The following EMP2 variants were observed in gnomAD, a reference collection of about 807,000 sequenced individuals.
The protein encoded by EMP2 is epithelial membrane protein 2.
Under a neutral mutation model 13.7 loss-of-function variants are expected in EMP2, and 19 were observed. That is an observed-to-expected ratio of 1.38 (90% CI 0.97 to 2.03). The LOEUF (loss-of-function observed/expected upper bound fraction) is 2.03. EMP2 is among the 30% of genes most tolerant of loss of function. EMP2 has a pLI of 0.00. For synonymous variants in EMP2, 97 were observed against 84.7 expected (o/e 1.15, Z -0.80); for missense variants, 253 against 220.7 (o/e 1.15, Z -0.93).
At chr16:10,549,329 A>T (rs1201741611) in intron 1 of EMP2, among the ~76,000 whole-genome samples, 1 of 152,224 alleles carries the variant, frequency 6.6e-6, no homozygotes, top group Non-Finnish European at 1.5e-5. Context: ...TGAGGGCATG[A>T]ATACATGAGG....
chr16:10,556,241 G>A (rs1401550186), intron 1 of EMP2, among the ~76,000 whole-genome samples: 1 of 151,604 alleles, frequency 6.6e-6, no homozygotes, highest in Non-Finnish European at 1.5e-5. Flanking sequence ...CTTCTTGTCT[G>A]TGGTTCCATC....
intron 3 of EMP2, among the ~76,000 whole-genome samples, chr16:10,540,452 G>A (rs1341042164): frequency 6.6e-6 from 1 of 152,068 alleles, no homozygotes; most frequent in Admixed American, 6.6e-5. Context: ...ACTGCAGCGA[G>A]CAGAGATTGC....
chr16:10,537,547 C>G (rs368211300), intron 4 of EMP2, among the ~76,000 whole-genome samples: 2 of 152,184 alleles, frequency 1.3e-5, no homozygotes, highest in East Asian at 3.9e-4. Flanking sequence ...GGCAGCTCTC[C>G]GTCCCTCCTG....
At chr16:10,552,578 T>C (rs1029155416) in intron 1 of EMP2, among the ~76,000 whole-genome samples, 2 of 152,222 alleles carry the variant, frequency 1.3e-5, no homozygotes, top group Non-Finnish European at 2.9e-5. Context: ...TTGGTTAAAA[T>C]GTATTTGTAG....
chr16:10,533,037 G>C lies in EMP2; in HGVS notation c.372C>G (p.His124Gln). The C allele has an allele frequency of 1.2e-6, 2 of 1,610,826 alleles. No individual in the cohort carries two copies. Among genetic ancestry groups the C allele is most frequent in the Non-Finnish European group, 1.7e-6 (2 of 1,178,514 alleles). The change falls in exon 5 of 5, where the codon CAC becomes CAG. Residue 124 changes from histidine to glutamine, a missense_variant. By Grantham distance (24) the His-to-Gln change is conservative. Transcript: ENST00000359543. ...SIYTDRREDI[H>Q]DKNAKFYPVT... The stretch of plus-strand genomic sequence containing the variant: ...CGGGATAGAATTTCGCGTTTTTGTC[G>C]TGAATGTCTTCACGCCTGTCTGTAT...
intron 1 of EMP2, among the ~76,000 whole-genome samples, chr16:10,562,336 TTCTCTCTCTC>T (rs540802206): frequency 0.099 from 12,349 of 124,174 alleles, 572 homozygotes; most frequent in Non-Finnish European, 0.11. Flanking sequence ...CTCATGCATG[TTCTCTCTCTC>T]TCTCTCTCTC....
chr16:10,532,112 C>A lies in EMP2; in HGVS notation c.*793G>T, dbSNP rs558565921. 6.5e-6 allele frequency: 1 copy of A among 154,834 alleles called. No individual in the cohort carries two copies. Among genetic ancestry groups the A allele is most frequent in the Non-Finnish European group, 1.5e-5 (1 of 68,262 alleles). 9.6% of individuals were successfully genotyped at this position (154,834 alleles called of 1,614,324 possible). A position where few individuals can be genotyped will look rare whatever the true frequency, so the allele number is the denominator to read the frequency against. On this transcript the variant is annotated 3_prime_UTR_variant, in exon 5 of 5. Coordinates refer to ENST00000359543, the MANE Select transcript of EMP2 (RefSeq NM_001424.6). The stretch of plus-strand genomic sequence containing the variant: ...CAGGCACCGTGGTCCCCAACTTCAA[C>A]GCATCTGAAGCGTTGCCCAGGGAGC...
At chr16:10,556,093 C>A (rs898233160) in intron 1 of EMP2, among the ~76,000 whole-genome samples, 2 of 152,126 alleles carry the variant, frequency 1.3e-5, no homozygotes, top group Non-Finnish European at 2.9e-5. Flanking sequence ...CAATAATTGT[C>A]ATTTACATGA....
intron 1 of EMP2, among the ~76,000 whole-genome samples, chr16:10,552,950 T>A (rs944662651): frequency 6.6e-6 from 1 of 152,194 alleles, no homozygotes; most frequent in Admixed American, 6.5e-5. Context: ...AAATGGCAGT[T>A]AGAGGTTGGT....
rs2050616170 is a variant in EMP2, at chr16:10,532,769, T to TTTTTTC, written c.*135_*136insGAAAAA. 3.1e-6 allele frequency: 1 copy of TTTTTTC among 327,424 alleles called. No homozygotes were observed. Among genetic ancestry groups the TTTTTTC allele is most frequent in the African/African-American group, 2.6e-5 (1 of 37,750 alleles). The allele number at this position is 327,424 out of a possible 1,614,324, so 20.3% of individuals were successfully genotyped here. A position where few individuals can be genotyped will look rare whatever the true frequency, so the allele number is the denominator to read the frequency against. On this transcript the variant is annotated 3_prime_UTR_variant, in exon 5 of 5. Transcript: ENST00000359543. The stretch of plus-strand genomic sequence containing the variant: ...TTTTTTTCTTTTTTCTTTTTTTTTT[T>TTTTTTC]TTTTTTTTTTTTTTTTTGGCTTTTA...
At chr16:10,555,058 C>G (rs752502852) in intron 1 of EMP2, among the ~76,000 whole-genome samples, 3 of 152,034 alleles carry the variant, frequency 2.0e-5, no homozygotes, top group African/African-American at 7.2e-5. Flanking sequence ...CTGTAAAGGC[C>G]CTTGGAAAAC....
chr16:10,543,074 G>C lies in EMP2; in HGVS notation c.169+496C>G, dbSNP rs139806422. 2.6e-3 allele frequency among the ~76,000 whole-genome samples: 398 copies of C among 152,308 alleles called. 1 individual carries two copies. Among genetic ancestry groups the C allele is most frequent in the African/African-American group, 9.2e-3 (382 of 41,582 alleles). On this transcript the variant is annotated intron_variant, in intron 3 of 4. Transcript: ENST00000359543. ...TTGACCAGGCTGGTCTCAAACTCCT[G>C]ACCTCAAGTGATCCATCCGCCTCTG... is the stretch of plus-strand genomic sequence containing the variant.
chr16:10,565,251 G>A (rs537743113), intron 1 of EMP2, among the ~76,000 whole-genome samples: 1 of 152,322 alleles, frequency 6.6e-6, no homozygotes, highest in East Asian at 1.9e-4. Flanking sequence ...CACTTAATGC[G>A]TCAACTTGTC....
At chr16:10,569,198 C>T (rs2050930474) in intron 1 of EMP2, among the ~76,000 whole-genome samples, 1 of 152,194 alleles carries the variant, frequency 6.6e-6, no homozygotes, top group Non-Finnish European at 1.5e-5. Context: ...GCAAATGGGA[C>T]CTGGGTAGGC....
At position 10,538,045 on chromosome 16, in the gene EMP2, TG is replaced by T. The variant is rs1467083561; in HGVS notation, c.198del (p.Thr67ProfsTer2). ...CAGAGAATGGTGGAGAGGATCATGG[TG>T]GCCTGGACCGCCTGCAGCGTGGAGT... Reference protein sequence around the residue: ...QEYSTLQAVQATMILSTILCC... With the variant: ...QEYSTLQAVQXTMILSTILCC... On this transcript the variant is annotated frameshift_variant, in exon 4 of 5. Coordinates refer to ENST00000359543, the MANE Select transcript of EMP2 (RefSeq NM_001424.6). LOFTEE classifies it high-confidence loss of function. 1 of 1,613,882 alleles carries T rather than the reference TG, an allele frequency of 6.2e-7. No homozygotes were observed. The highest frequency in any genetic ancestry group is 8.5e-7 in the Non-Finnish European group (1 of 1,179,998).
rs189358222 is a variant in EMP2, at chr16:10,537,223, G to T, written c.316+705C>A. ...CACTGAGAAACAACAAATGATCATG[G>T]TGTGGCTTCTGACTTCTGATCTGAC... On this transcript the variant is annotated intron_variant, in intron 4 of 4. Coordinates refer to ENST00000359543, the MANE Select transcript of EMP2 (RefSeq NM_001424.6). 5.3e-5 allele frequency among the ~76,000 whole-genome samples: 8 copies of T among 152,278 alleles called. No homozygotes were observed. The East Asian group carries it at 1.5e-3, about 29-fold the overall frequency.
At position 10,567,954 on chromosome 16, in the gene EMP2, G is replaced by A. The variant is rs555442665; in HGVS notation, c.-61+12595C>T. On this transcript the variant is annotated intron_variant, in intron 1 of 4. Transcript: ENST00000359543. ...AGCGAGGTTAGGTAGCTTGTCAAAG[G>A]TCACACCCCCAGTAAGTGGCAGAGC... 5.9e-5 allele frequency among the ~76,000 whole-genome samples: 9 copies of A among 152,314 alleles called. No homozygotes were observed. In the East Asian group the frequency reaches 1.7e-3, roughly 29 times the overall value.
At position 10,570,170 on chromosome 16, in the gene EMP2, A is replaced by G. The variant is rs1596382138; in HGVS notation, c.-61+10379T>C. Among the ~76,000 whole-genome samples, 4 of 151,804 alleles carry G rather than the reference A, an allele frequency of 2.6e-5. No homozygotes were observed. The Middle Eastern group carries it at 0.01, about 398-fold the overall frequency. ...CAAATACCATCAGAACTAATGGCAG[A>G]GGAGAAAACCTGACTTAACTTAGGG... On this transcript the variant is annotated intron_variant, in intron 1 of 4. Transcript: ENST00000359543.
intron 1 of EMP2, among the ~76,000 whole-genome samples, chr16:10,567,735 A>C (rs2050917709): frequency 6.6e-6 from 1 of 152,184 alleles, no homozygotes; most frequent in Non-Finnish European, 1.5e-5. Context: ...TAACACCCTC[A>C]TACAGCAAAC....
Sources: gnomAD v4.1 joint callset for allele counts (sites outside exome capture counted in the v4.1 genomes callset) on GRCh38, gnomAD v4.1.1 for gene constraint, MANE v1.5 for transcripts, NCBI Gene and HGNC (gene_info 2026-07-23, HGNC 2026-07-21) for gene names.